The following DGKI variants were observed in gnomAD, a reference collection of about 807,000 sequenced individuals.
DGKI encodes the protein diacylglycerol kinase iota.
DGKI carries 55 observed loss-of-function variants against 147.5 expected under a neutral mutation model. The ratio of observed to expected loss-of-function variants is 0.37; its 90% CI spans 0.30 to 0.47. The LOEUF (loss-of-function observed/expected upper bound fraction) is 0.47, where lower values mean the gene tolerates loss of function less well. Ranked by LOEUF, DGKI falls within the 20% of genes least tolerant of loss-of-function variation. The pLI is 1.00. For missense variants in DGKI, 1,007 were observed against 1,323.8 expected, an observed-to-expected ratio of 0.76 and a Z score of 3.71; for synonymous variants, 469 against 477.1, an observed-to-expected ratio of 0.98 and a Z score of 0.22.
chr7:137,728,957 G>A (rs962995676), intron 1 of DGKI, among the ~76,000 whole-genome samples: 3 of 152,068 alleles, frequency 2.0e-5, no homozygotes, highest in Admixed American at 6.6e-5. Flanking sequence ...TTGGGTGATA[G>A]GCCATCTGCC....
rs576462361 is a variant in DGKI, at chr7:137,711,883, G to A, written c.402-21881C>T. Among the ~76,000 whole-genome samples, 11 of 151,208 alleles carry A rather than the reference G, an allele frequency of 7.3e-5. No individual in the cohort carries two copies. The South Asian group carries it at 1.5e-3, about 20-fold the overall frequency. Reference sequence around the variant, plus strand: ...TAGTTTTTGTATTTTTAGTAGAGACGGGGTTTCACCACGTTGGCCAGGATG... The same window carrying A: ...TAGTTTTTGTATTTTTAGTAGAGACAGGGTTTCACCACGTTGGCCAGGATG... On this transcript the variant is annotated intron_variant, in intron 1 of 32. Transcript: ENST00000614521.
At chr7:137,792,637 G>A (rs1796890351) in intron 1 of DGKI, among the ~76,000 whole-genome samples, 1 of 152,200 alleles carries the variant, frequency 6.6e-6, no homozygotes. Context: ...CCACATTGTT[G>A]GAGATGGGGC....
intron 1 of DGKI, among the ~76,000 whole-genome samples, chr7:137,803,789 A>G (rs893778100): frequency 6.6e-6 from 1 of 152,244 alleles, no homozygotes; most frequent in Non-Finnish European, 1.5e-5. Context: ...TGGAGAATTT[A>G]ACAAGCTTTA....
At chr7:137,554,305 T>C (rs537708951) in intron 19 of DGKI, among the ~76,000 whole-genome samples, 1 of 152,348 alleles carries the variant, frequency 6.6e-6, no homozygotes, top group African/African-American at 2.4e-5. Flanking sequence ...GCTTAGCATC[T>C]TATAAGACAT....
intron 20 of DGKI, among the ~76,000 whole-genome samples, chr7:137,529,229 A>G (rs1264414828): frequency 1.3e-5 from 2 of 152,180 alleles, no homozygotes; most frequent in South Asian, 4.1e-4. Flanking sequence ...TGGGTACAAC[A>G]TATGCTATTT....
chr7:137,733,113 C>T (rs569017768), intron 1 of DGKI, among the ~76,000 whole-genome samples: 48 of 151,786 alleles, frequency 3.2e-4, no homozygotes, highest in Non-Finnish European at 5.0e-4. Context: ...ATCATTTAAA[C>T]CATTTTAATT....
At chr7:137,545,913 C>A (rs1267037628) in intron 20 of DGKI, 1 of 702,202 alleles carries the variant, frequency 1.4e-6, no homozygotes, top group Admixed American at 2.0e-5. Context: ...GTGAAGGAGC[C>A]GGGGGGAGCA....
intron 20 of DGKI, among the ~76,000 whole-genome samples, chr7:137,548,682 C>T (rs1470426654): frequency 6.6e-6 from 1 of 152,166 alleles, no homozygotes; most frequent in Non-Finnish European, 1.5e-5. Context: ...AATTATCCAG[C>T]CTTAGCTGGG....
At chr7:137,786,677 GA>G (rs57873912) in intron 1 of DGKI, among the ~76,000 whole-genome samples, 68,492 of 140,676 alleles carry the variant, frequency 0.49, 17,292 homozygotes, top group East Asian at 0.61. Context: ...ACTAAGCAAA[GA>G]AAAAAAAAAA....
chr7:137,605,486 G>C (rs777981410), intron 10 of DGKI, among the ~76,000 whole-genome samples: 1 of 151,878 alleles, frequency 6.6e-6, no homozygotes, highest in African/African-American at 2.4e-5. Context: ...CAGTGTCATC[G>C]CTACCTTAAG....
chr7:137,666,641 T>A (rs781007160), intron 3 of DGKI, among the ~76,000 whole-genome samples: 2 of 152,158 alleles, frequency 1.3e-5, no homozygotes, highest in African/African-American at 4.8e-5. Context: ...AATCAAATGA[T>A]ACTAACAAAC....
chr7:137,722,371 A>G (rs1161540723), intron 1 of DGKI: 1 of 1,612,988 alleles, frequency 6.2e-7, no homozygotes, highest in Non-Finnish European at 8.5e-7. Context: ...GTTGAGCCAC[A>G]GCAAAAAACC....
chr7:137,768,634 G>A (rs139723222), intron 1 of DGKI, among the ~76,000 whole-genome samples: 11 of 152,278 alleles, frequency 7.2e-5, no homozygotes, highest in African/African-American at 1.2e-4. Context: ...TACAGGCCCC[G>A]GGCAGAATCA....
At chr7:137,435,274 C>T (rs1239695544) in intron 28 of DGKI, among the ~76,000 whole-genome samples, 2 of 152,050 alleles carry the variant, frequency 1.3e-5, no homozygotes, top group Non-Finnish European at 1.5e-5. Context: ...TTGGAACACA[C>T]TCAAAAAAAC....
chr7:137,636,147 T>C (rs760064858), intron 6 of DGKI, among the ~76,000 whole-genome samples: 5 of 152,124 alleles, frequency 3.3e-5, no homozygotes, highest in Non-Finnish European at 7.4e-5. Flanking sequence ...GGCTTTGTAA[T>C]GCTATGAACA....
chr7:137,511,283 C>T (rs533659999), intron 21 of DGKI, among the ~76,000 whole-genome samples: 8 of 152,330 alleles, frequency 5.3e-5, no homozygotes, highest in South Asian at 2.1e-4. Flanking sequence ...CTGACTATAG[C>T]GTCAGACTAG....
At chr7:137,807,636 C>T (rs911855566) in intron 1 of DGKI, among the ~76,000 whole-genome samples, 1 of 152,180 alleles carries the variant, frequency 6.6e-6, no homozygotes, top group African/African-American at 2.4e-5. Context: ...CTCTGTGCTG[C>T]TCTTTCAGAG....
chr7:137,684,203 G>A (rs1422565005), intron 2 of DGKI, among the ~76,000 whole-genome samples: 1 of 152,170 alleles, frequency 6.6e-6, no homozygotes, highest in African/African-American at 2.4e-5. Flanking sequence ...TGTACAATAC[G>A]CAGATGGCTA....
chr7:137,538,797 T>A (rs1244242466), intron 20 of DGKI, among the ~76,000 whole-genome samples: 3 of 152,170 alleles, frequency 2.0e-5, no homozygotes, highest in African/African-American at 7.2e-5. Context: ...AGCAGCTATT[T>A]GAGAACTTTG....
Sources: allele counts gnomAD v4.1 joint callset (sites outside exome capture counted in the v4.1 genomes callset), GRCh38; gene constraint gnomAD v4.1.1; transcripts MANE v1.5; gene names NCBI Gene and HGNC (gene_info 2026-07-23, HGNC 2026-07-21).